Variants in STXBP5L observed in about 807,000 individuals in gnomAD.
STXBP5L encodes syntaxin binding protein 5L.
Under a neutral mutation model 144.5 loss-of-function variants are expected in STXBP5L, and 65 were observed. The observed-to-expected ratio is 0.45, with a 90% CI of 0.37 to 0.55. STXBP5L has a LOEUF of 0.55. STXBP5L is among the 20% of genes least tolerant of loss of function. The probability of loss-of-function intolerance (pLI) is 0.00; values close to 1 mark genes in which losing one functional copy is unlikely to be tolerated. For missense variants in STXBP5L, 1,298 were observed against 1,405.5 expected, an observed-to-expected ratio of 0.92 and a Z score of 1.22; for synonymous variants, 505 against 469.6, an observed-to-expected ratio of 1.08 and a Z score of -0.97.
chr3:121,282,232 G>T, intron 19 of STXBP5L: 1 of 1,594,146 alleles, frequency 6.3e-7, no homozygotes. Context: ...TCTTCTGCCT[G>T]CTGCTGATGC....
chr3:121,178,970 A>G (rs2047037554), intron 9 of STXBP5L, among the ~76,000 whole-genome samples: 1 of 152,040 alleles, frequency 6.6e-6, no homozygotes, highest in Non-Finnish European at 1.5e-5. Context: ...TGTGGCACAA[A>G]TGGGAACTGT....
chr3:121,389,648 T>G (rs1440159497), intron 22 of STXBP5L, among the ~76,000 whole-genome samples: 1 of 152,222 alleles, frequency 6.6e-6, no homozygotes, highest in Non-Finnish European at 1.5e-5. Flanking sequence ...ATTTACCCAG[T>G]AGTCATTCAG....
At chr3:121,190,169 A>C (rs1192343491) in intron 9 of STXBP5L, among the ~76,000 whole-genome samples, 1 of 152,202 alleles carries the variant, frequency 6.6e-6, no homozygotes, top group East Asian at 1.9e-4. Flanking sequence ...ACATGTGAAC[A>C]AAGTCTCTGG....
At chr3:120,954,518 G>A (rs1442517727) in intron 2 of STXBP5L, among the ~76,000 whole-genome samples, 1 of 151,848 alleles carries the variant, frequency 6.6e-6, no homozygotes, top group Non-Finnish European at 1.5e-5. Context: ...GTATTCCATT[G>A]TATGATTATA....
intron 14 of STXBP5L, among the ~76,000 whole-genome samples, chr3:121,246,151 C>T (rs2049844617): frequency 6.6e-6 from 1 of 152,180 alleles, no homozygotes; most frequent in African/African-American, 2.4e-5. Context: ...TGAGCTCTGC[C>T]TCCTGTTAGA....
At chr3:121,252,417 G>T (rs1431227943) in intron 15 of STXBP5L, among the ~76,000 whole-genome samples, 1 of 151,494 alleles carries the variant, frequency 6.6e-6, no homozygotes, top group Non-Finnish European at 1.5e-5. Flanking sequence ...AAAATTTAGA[G>T]GACACTTTAA....
intron 22 of STXBP5L, among the ~76,000 whole-genome samples, chr3:121,396,633 G>C (rs1209658085): frequency 6.6e-6 from 1 of 152,242 alleles, no homozygotes; most frequent in Non-Finnish European, 1.5e-5. Flanking sequence ...GTACCATTTG[G>C]TAAGTTGGGC....
intron 23 of STXBP5L, among the ~76,000 whole-genome samples, chr3:121,412,614 T>C (rs180924241): frequency 2.1e-4 from 32 of 151,352 alleles, no homozygotes; most frequent in Admixed American, 1.9e-3. Context: ...CAATTATCTC[T>C]TAAAGTTTAA....
chr3:121,312,344 G>A (rs550454592), intron 19 of STXBP5L, among the ~76,000 whole-genome samples: 7 of 145,084 alleles, frequency 4.8e-5, no homozygotes, highest in African/African-American at 1.8e-4. Flanking sequence ...TTGACAAATG[G>A]GATCTAAGTA....
At chr3:121,197,921 G>A (rs556116657) in intron 9 of STXBP5L, among the ~76,000 whole-genome samples, 2 of 152,308 alleles carry the variant, frequency 1.3e-5, no homozygotes, top group South Asian at 4.1e-4. Context: ...TTGGTTCCAA[G>A]TTTTTGCTAT....
At chr3:120,927,236 A>AT (rs1456050363) in intron 2 of STXBP5L, among the ~76,000 whole-genome samples, 1 of 151,886 alleles carries the variant, frequency 6.6e-6, no homozygotes, top group Non-Finnish European at 1.5e-5. Flanking sequence ...CGCCCAGCCA[A>AT]TTTTTCTGAT....
chr3:121,163,222 C>T (rs1006439302), intron 9 of STXBP5L, among the ~76,000 whole-genome samples: 9 of 152,140 alleles, frequency 5.9e-5, no homozygotes, highest in South Asian at 2.1e-4. Context: ...ACATATACAC[C>T]GTGGAATACT....
chr3:121,004,992 G>A, intron 3 of STXBP5L, among the ~76,000 whole-genome samples: 1 of 152,146 alleles, frequency 6.6e-6, no homozygotes, highest in Admixed American at 6.6e-5. Context: ...TGTTCATCAG[G>A]GATGTTGGTC....
At chr3:121,022,502 A>G (rs1945631999) in intron 3 of STXBP5L, among the ~76,000 whole-genome samples, 1 of 152,220 alleles carries the variant, frequency 6.6e-6, no homozygotes, top group African/African-American at 2.4e-5. Context: ...TAGATGCAAA[A>G]ATCCTCAACA....
intron 3 of STXBP5L, among the ~76,000 whole-genome samples, chr3:120,964,433 C>G (rs1326693891): frequency 6.6e-6 from 1 of 152,118 alleles, no homozygotes; most frequent in Non-Finnish European, 1.5e-5. Flanking sequence ...ACCCTCTATA[C>G]ACTGCTTAAA....
chr3:121,005,442 TTTC>T (rs1239827365), intron 3 of STXBP5L, among the ~76,000 whole-genome samples: 5 of 152,166 alleles, frequency 3.3e-5, no homozygotes, highest in Non-Finnish European at 7.3e-5. Flanking sequence ...TCTTCTCTCT[TTTC>T]TTCTTTATTA....
chr3:121,343,025 T>C (rs913889725), intron 20 of STXBP5L, among the ~76,000 whole-genome samples: 3 of 151,922 alleles, frequency 2.0e-5, no homozygotes, highest in African/African-American at 4.8e-5. Context: ...CCTGACTTTT[T>C]AATGATTGTC....
At chr3:121,201,389 A>G (rs2048132781) in intron 9 of STXBP5L, among the ~76,000 whole-genome samples, 1 of 151,840 alleles carries the variant, frequency 6.6e-6, no homozygotes, top group Admixed American at 6.6e-5. Flanking sequence ...CCATCTTTTT[A>G]TTTTGAGCCT....
At chr3:121,182,147 C>T (rs573227942) in intron 9 of STXBP5L, among the ~76,000 whole-genome samples, 56 of 152,280 alleles carry the variant, frequency 3.7e-4, no homozygotes, top group African/African-American at 1.3e-3. Flanking sequence ...AAACAGTAGA[C>T]TTAAACTATA....
Sources: gnomAD v4.1 joint callset for allele counts (sites outside exome capture counted in the v4.1 genomes callset) on GRCh38, gnomAD v4.1.1 for gene constraint, MANE v1.5 for transcripts, NCBI Gene and HGNC (gene_info 2026-07-23, HGNC 2026-07-21) for gene names.